DCHS1: variants seen among roughly 807,000 people sequenced by gnomAD.
DCHS1 encodes dachsous cadherin-related 1.
DCHS1 carries 78 observed loss-of-function variants against 213.9 expected under a neutral mutation model. The observed-to-expected ratio is 0.36, with a 90% CI of 0.30 to 0.44. DCHS1 has a LOEUF of 0.44. Among genes scored for constraint, DCHS1 ranks in the 20% least tolerant of loss-of-function variants. The pLI, the probability that DCHS1 is intolerant of heterozygous loss-of-function variation, is 1.00. For synonymous variants in DCHS1, 1,828 were observed against 1,873.7 expected, an observed-to-expected ratio of 0.98 and a Z score of 0.63; for missense variants, 3,946 against 4,395.9, an observed-to-expected ratio of 0.90 and a Z score of 2.89.
chr11:6,629,549 G>A lies in DCHS1; in HGVS notation c.5064C>T (p.Gly1688=). ...CCAGAGAAAAGCTTTCGCTAGAGAC[G>A]CCTCCATAAGTCACTTGCCCGTTGG... is the stretch of plus-strand genomic sequence containing the variant. ...VGANGQVTYG[G]VSSESFSLDP... The change falls in exon 12 of 21, where the codon GGC becomes GGT. Residue 1688 remains glycine (G), a synonymous_variant. Coordinates refer to ENST00000299441, the MANE Select transcript of DCHS1 (RefSeq NM_003737.4). 6.2e-7 allele frequency: 1 copy of A among 1,613,580 alleles called. No homozygotes were observed. Among genetic ancestry groups the A allele is most frequent in the East Asian group, 2.2e-5 (1 of 44,882 alleles).
At position 6,654,997 on chromosome 11, in the gene DCHS1, C is replaced by A. The variant is rs549598947; in HGVS notation, c.-121+566G>T. ...CTCAGAACACGTCTGGGTGACCCCC[C>A]CCTCCATCCACTTCAGGCTGTGCCT... On this transcript the variant is annotated intron_variant, in intron 1 of 20. Coordinates refer to ENST00000299441, the MANE Select transcript of DCHS1 (RefSeq NM_003737.4). Among the ~76,000 whole-genome samples the A allele has an allele frequency of 6.6e-5, 10 of 152,222 alleles. No individual in the cohort carries two copies. The South Asian group carries it at 1.0e-3, about 16-fold the overall frequency.
At chr11:6,642,624 GAGGGT>G in intron 1 of DCHS1, among the ~76,000 whole-genome samples, 1 of 150,902 alleles carries the variant, frequency 6.6e-6, no homozygotes, top group African/African-American at 2.4e-5. Context: ...CAGAGTGTCT[GAGGGT>G]GGGGTGGGGT....
chr11:6,642,208 G>A (rs1338258954), intron 1 of DCHS1, among the ~76,000 whole-genome samples: 1 of 152,030 alleles, frequency 6.6e-6, no homozygotes, highest in Non-Finnish European at 1.5e-5. Context: ...CTGCTGGAAG[G>A]GAATGATGTT....
At chr11:6,633,390 T>G in intron 5 of DCHS1, 22 bp downstream of exon 5, 2 of 1,545,580 alleles carry the variant, frequency 1.3e-6, no homozygotes, top group Non-Finnish European at 1.8e-6. Context: ...TGACACCAAG[T>G]GGGTATAAAG....
At chr11:6,643,756 G>C (rs1024885192) in intron 1 of DCHS1, among the ~76,000 whole-genome samples, 1 of 152,096 alleles carries the variant, frequency 6.6e-6, no homozygotes, top group Non-Finnish European at 1.5e-5. Context: ...CCAATCTCCA[G>C]CTCCAGCTCT....
chr11:6,651,906 C>A (rs1378138195), intron 1 of DCHS1, among the ~76,000 whole-genome samples: 1 of 152,136 alleles, frequency 6.6e-6, no homozygotes, highest in East Asian at 1.9e-4. Context: ...AAAGAGCAGG[C>A]ATGCAGCAGG....
In DCHS1 at chr11:6,632,424, C is replaced by T. The variant is rs1855925118; in HGVS notation, c.3088G>A (p.Gly1030Ser). 5 of 1,610,888 alleles carry T rather than the reference C, an allele frequency of 3.1e-6. No homozygotes were observed. The highest frequency in any genetic ancestry group is 4.2e-6 in the Non-Finnish European group (5 of 1,177,768). The change falls in exon 6 of 21, where the codon GGC becomes AGC. Residue 1030 changes from glycine to serine, a missense_variant. Physicochemically the swap from Gly to Ser is moderately conservative, Grantham distance 56. Coordinates refer to ENST00000299441, the MANE Select transcript of DCHS1 (RefSeq NM_003737.4). The surrounding 1 kb of genome is among the most constrained non-coding windows in gnomAD (Gnocchi z 5.9). ...GCTGCAAGGTGATAGGTGATAGGGC[C>T]CCCATCTGGTGCTTGGGCCTGCACT... ...LQVQAQAPDG[G>S]PITYHLAAEG...
intron 1 of DCHS1, among the ~76,000 whole-genome samples, chr11:6,653,646 G>A (rs1398754968): frequency 1.3e-5 from 2 of 152,192 alleles, no homozygotes. Context: ...TTTTTTAGAA[G>A]TATGAATTTA....
chr11:6,640,159 A>C lies in DCHS1; in HGVS notation c.1455T>G (p.Val485=), dbSNP rs778582966. 2.5e-6 allele frequency: 4 copies of C among 1,613,770 alleles called. No individual in the cohort carries two copies. The East Asian group carries it at 8.9e-5, about 36-fold the overall frequency. Residue 485 remains valine, a synonymous_variant, in exon 2 of 21, where the codon GTT becomes GTG. Transcript: ENST00000299441. This position sits in a 1 kb window ranked among gnomAD's most constrained non-coding sequence, Gnocchi z 6.5. ...QLYRPEPLPE[V]ALPGSFVVRV... ...GCACTACAAAGCTGCCAGGCAGCGC[A>C]ACCTCAGGCAGGGGCTCAGGTCGGT...
chr11:6,641,362 C>G lies in DCHS1; in HGVS notation c.252G>C (p.Glu84Asp), dbSNP rs1456656845. The G allele has an allele frequency of 6.2e-7, 1 of 1,613,544 alleles. No homozygotes were observed. The highest frequency in any genetic ancestry group is 2.2e-5 in the East Asian group (1 of 44,878). ...APLMYFISAQ[E>D]GSGVGTDLAI... ...CCAGGTCTGTGCCCACGCCGCTGCC[C>G]TCTTGGGCAGAGATGAAGTACATGA... The change falls in exon 2 of 21, where the codon GAG becomes GAC. Residue 84 changes from glutamate (E) to aspartate (D), a missense_variant. Physicochemically the swap from Glu to Asp is conservative, Grantham distance 45. This residue lies in a region of DCHS1 where 3,384 missense variants were observed against 3,780.1 expected (regional missense o/e 0.90). Transcript: ENST00000299441. This position sits in a 1 kb window ranked among gnomAD's most constrained non-coding sequence, Gnocchi z 7.1.
Position 6,640,473 on chromosome 11 carries a change from G to C in DCHS1, c.1141C>G (p.Pro381Ala). 1 of 1,613,688 alleles carries C rather than the reference G, an allele frequency of 6.2e-7. No homozygotes were observed. Among genetic ancestry groups the C allele is most frequent in the Non-Finnish European group, 8.5e-7 (1 of 1,179,890 alleles). The change falls in exon 2 of 21, where the codon CCT becomes GCT. Residue 381 changes from proline (P) to alanine (A), a missense_variant. Pro to Ala is a conservative substitution (Grantham distance 27, BLOSUM62 -1). Transcript: ENST00000299441. This position sits in a 1 kb window ranked among gnomAD's most constrained non-coding sequence, Gnocchi z 6.5. ...GAGATGCGAGCAACGAGCTGTCCAG[G>C]TGGGGCGGCCTCAGACACTTGGGGG... Reference protein sequence around the residue: ...GSPQVSEAAPPGQLVARISVS... With the variant: ...GSPQVSEAAPAGQLVARISVS...
intron 1 of DCHS1, among the ~76,000 whole-genome samples, chr11:6,653,402 G>C (rs563429166): frequency 6.6e-6 from 1 of 152,320 alleles, no homozygotes; most frequent in Non-Finnish European, 1.5e-5. Context: ...TCCACAGCCT[G>C]TAAGCTCCAT....
Position 6,624,227 on chromosome 11 carries a change from T to C in DCHS1, c.7449A>G (p.Thr2483=), listed in dbSNP as rs1407283097. 8 of 1,613,252 alleles carry C rather than the reference T, an allele frequency of 5.0e-6. 1 individual carries two copies. The South Asian group carries it at 6.6e-5, about 13-fold the overall frequency. ...QDQNDHAPSF[T]LSHYRVAVTE... is the part of the protein sequence containing the mutation. ...TCACAGCCACACGGTAGTGTGACAA[T>C]GTGAAGCTCGGGGCGTGGTCGTTCT... Residue 2483 remains threonine (T), a synonymous_variant, in exon 21 of 21, where the codon ACA becomes ACG. Transcript: ENST00000299441.
At chr11:6,639,723 C>T (rs1332218061) in intron 2 of DCHS1, 94 bp downstream of exon 2, 4 of 1,092,634 alleles carry the variant, frequency 3.7e-6, no homozygotes, top group Non-Finnish European at 5.2e-6. Context: ...TCACCATCAA[C>T]AGATGACCTT....
rs373156328 is a variant in DCHS1 at position 6,626,742 on chromosome 11, C to T, written c.6250+47G>A. 1.9e-6 allele frequency: 3 copies of T among 1,609,926 alleles called. No homozygotes were observed. Among genetic ancestry groups the T allele is most frequent in the Non-Finnish European group, 2.5e-6 (3 of 1,178,216 alleles). ...GGGGGACATTTTCAAAGCACAACCCCAGCCCATTTGGGAGTCTGAATCTGG... is the reference window on the plus strand; with the variant it reads ...GGGGGACATTTTCAAAGCACAACCCTAGCCCATTTGGGAGTCTGAATCTGG... On this transcript the variant is annotated intron_variant, in intron 14 of 20. Coordinates refer to ENST00000299441, the MANE Select transcript of DCHS1 (RefSeq NM_003737.4). This position sits in a 1 kb window ranked among gnomAD's most constrained non-coding sequence, Gnocchi z 5.2.
In DCHS1 at chr11:6,641,402, C is replaced by A. The variant is rs766089870; in HGVS notation, c.212G>T (p.Gly71Val). 18 of 1,613,292 alleles carry A rather than the reference C, an allele frequency of 1.1e-5. No individual in the cohort carries two copies. The highest frequency in any genetic ancestry group is 1.7e-5 in the Admixed American group (1 of 59,996). The change falls in exon 2 of 21, where the codon GGC becomes GTC. Residue 71 changes from glycine to valine, a missense_variant. Physicochemically the swap from Gly to Val is moderately radical, Grantham distance 109 (BLOSUM62 -3). Coordinates refer to ENST00000299441, the MANE Select transcript of DCHS1 (RefSeq NM_003737.4). The surrounding 1 kb of genome is among the most constrained non-coding windows in gnomAD (Gnocchi z 7.1). ...IGDISAGLPAGTAAPLMYFIS... is the reference protein window; with the variant it reads ...IGDISAGLPAVTAAPLMYFIS... ...GAAGTACATGAGAGGAGCTGCCGTG[C>A]CTGCCGGAAGCCCCGCACTGATGTC...
chr11:6,631,164 C>T lies in DCHS1; in HGVS notation c.3819G>A (p.Leu1273=), dbSNP rs529036418. The T allele has an allele frequency of 1.2e-6, 2 of 1,611,568 alleles. No individual in the cohort carries two copies. The highest frequency in any genetic ancestry group is 1.7e-5 in the Admixed American group (1 of 59,652). The part of the protein sequence containing the change: ...LFSLHPHSGE[L]LTAAPLIRAE... ...CTCGGATCAGGGGAGCTGCAGTGAGCAGCTCCCCTGAGTGAGGGTGCAGAG... is the reference window on the plus strand; with the variant it reads ...CTCGGATCAGGGGAGCTGCAGTGAGTAGCTCCCCTGAGTGAGGGTGCAGAG... Residue 1273 remains leucine (L), a synonymous_variant, in exon 9 of 21, where the codon CTG becomes CTA. Coordinates refer to ENST00000299441, the MANE Select transcript of DCHS1 (RefSeq NM_003737.4).
At position 6,626,209 on chromosome 11, in the gene DCHS1, A is replaced by C. The variant is rs1287292558; in HGVS notation, c.6536T>G (p.Phe2179Cys). 1.9e-6 allele frequency: 3 copies of C among 1,611,388 alleles called. No individual in the cohort carries two copies. The highest frequency in any genetic ancestry group is 2.5e-6 in the Non-Finnish European group (3 of 1,178,814). Residue 2179 changes from phenylalanine to cysteine, a missense_variant, in exon 16 of 21, where the codon TTC becomes TGC. Phe to Cys is a radical substitution (Grantham distance 205, BLOSUM62 -2). Coordinates refer to ENST00000299441, the MANE Select transcript of DCHS1 (RefSeq NM_003737.4). The surrounding 1 kb of genome is among the most constrained non-coding windows in gnomAD (Gnocchi z 5.2). ...PRFLRPHYVA[F>C]LPESRPLEGP... ...CTCCAAGGGCCGGGACTCAGGAAGG[A>C]AGGCCACATAATGGGGCCGCAGGAA...
chr11:6,648,521 T>A lies in DCHS1; in HGVS notation c.-120-6788A>T, dbSNP rs1856199669. 2.6e-5 allele frequency among the ~76,000 whole-genome samples: 4 copies of A among 151,956 alleles called. No homozygotes were observed. The South Asian group carries it at 8.3e-4, about 32-fold the overall frequency. On this transcript the variant is annotated intron_variant, in intron 1 of 20. Transcript: ENST00000299441. ...GGTGCAAGCCTCTTGCAGTGGGAAA[T>A]GAGAAAGAATGGATCAACCAATAGC... is the stretch of plus-strand genomic sequence containing the variant.
Sources: gnomAD v4.1 joint callset for allele counts (sites outside exome capture counted in the v4.1 genomes callset) on GRCh38, gnomAD v4.1.1 for gene constraint, gnomAD v4.1.1 regional missense constraint, Gnocchi (gnomAD v3.1) non-coding constraint, MANE v1.5 for transcripts, NCBI Gene and HGNC (gene_info 2026-07-23, HGNC 2026-07-21) for gene names.